PHF3: variants seen among roughly 807,000 people sequenced by gnomAD.
PHF3 encodes the protein PHD finger protein 3.
PHF3 carries 41 observed loss-of-function variants against 178.4 expected under a neutral mutation model. The observed-to-expected ratio is 0.23, with a 90% CI of 0.18 to 0.30. PHF3 has a LOEUF of 0.30. PHF3 is among the 10% of genes least tolerant of loss of function. PHF3 has a pLI of 1.00. For missense variants in PHF3, 2,346 were observed against 2,398.1 expected (o/e 0.98, Z 0.45); for synonymous variants, 842 against 800.5 (o/e 1.05, Z -0.88).
intron 2 of PHF3, among the ~76,000 whole-genome samples, chr6:63,653,798 T>C (rs781343117): frequency 6.6e-6 from 1 of 152,178 alleles, no homozygotes; most frequent in African/African-American, 2.4e-5. Flanking sequence ...TGTTGAGATA[T>C]GTTTATTTTA....
At position 63,725,300 on chromosome 6, in the gene PHF3, T is replaced by A. The variant is rs539708434; in HGVS notation, c.*11592T>A. Among the ~76,000 whole-genome samples the A allele has an allele frequency of 6.6e-6, 1 of 152,172 alleles. No individual in the cohort carries two copies. The highest frequency in any genetic ancestry group is 2.1e-4 in the South Asian group (1 of 4,826). On this transcript the variant is annotated 3_prime_UTR_variant, in exon 16 of 16. Transcript: ENST00000262043. The stretch of plus-strand genomic sequence containing the variant: ...TTGCCCTCCTATGTGTATTAGTGTG[T>A]ATGAGCTTTATATTTCATATACACA...
intron 9 of PHF3, 129 bp downstream of exon 9, chr6:63,700,595 T>C (rs1365262579): frequency 1.8e-6 from 1 of 550,756 alleles, no homozygotes; most frequent in Non-Finnish European, 3.3e-6. Flanking sequence ...CATGCTTCTT[T>C]TTTTTTTGAG....
rs1326635278 is a variant in PHF3 at position 63,721,486 on chromosome 6, G to A, written c.*7778G>A. On this transcript the variant is annotated 3_prime_UTR_variant, in exon 16 of 16. Coordinates refer to ENST00000262043, the MANE Select transcript of PHF3 (RefSeq NM_001370348.2). ...TCTTGATTATTTATGATAACTTGTC[G>A]GATACAGCCTTGAAAACCTACAGGT... The A allele has an allele frequency of 3.9e-6, 6 of 1,551,162 alleles. No homozygotes were observed. Among genetic ancestry groups the A allele is most frequent in the East Asian group, 2.4e-5 (1 of 40,924 alleles).
chr6:63,691,851 A>T lies in PHF3; in HGVS notation c.2304A>T (p.Lys768Asn), dbSNP rs1561970727. ...AAGACAAAGAATATGTCTGTGTAAA[A>T]TGTTGTGCTGAAGAAGACAAAAAGA... ...GEEDKEYVCV[K>N]CCAEEDKKTE... The change falls in exon 5 of 16, where the codon AAA (lysine) becomes AAT (asparagine). Residue 768 changes from lysine (K) to asparagine (N), a missense_variant. This residue lies in a region of PHF3 where 72 missense variants were observed against 110.5 expected (regional missense o/e 0.65). Transcript: ENST00000262043. The T allele has an allele frequency of 2.5e-6, 4 of 1,613,730 alleles. No homozygotes were observed. The African/African-American group carries it at 5.3e-5, about 22-fold the overall frequency.
chr6:63,721,790 A>G lies in PHF3; in HGVS notation c.*8082A>G. The stretch of plus-strand genomic sequence containing the variant: ...AACTATTTACTAAAGAGATGCATAA[A>G]AAATCACCTGCAAGAAAGCAAACAG... On this transcript the variant is annotated 3_prime_UTR_variant, in exon 16 of 16. Coordinates refer to ENST00000262043, the MANE Select transcript of PHF3 (RefSeq NM_001370348.2). 6.5e-7 allele frequency: 1 copy of G among 1,540,372 alleles called. No homozygotes were observed. The highest frequency in any genetic ancestry group is 8.8e-7 in the Non-Finnish European group (1 of 1,141,422).
At chr6:63,671,062 TC>T (rs1765894064) in intron 2 of PHF3, among the ~76,000 whole-genome samples, 1 of 152,084 alleles carries the variant, frequency 6.6e-6, no homozygotes, top group Non-Finnish European at 1.5e-5. Context: ...AATGTGAAAC[TC>T]AATGAATAAT....
chr6:63,685,748 A>G lies in PHF3; in HGVS notation c.2026A>G (p.Arg676Gly). ...PEKNLQPRQRRSSKSFSLDEP... is the reference protein window; with the variant it reads ...PEKNLQPRQRGSSKSFSLDEP... ...GAAGAACCTACAACCCCGCCAAAGA[A>G]GAAGCAGCAAAAGTTTTTCTTTAGA... is the stretch of plus-strand genomic sequence containing the variant. The change falls in exon 4 of 16, where the codon AGA becomes GGA. Residue 676 changes from arginine to glycine, a missense_variant. Around this residue, in one of 8 missense-constraint regions of PHF3, gnomAD observed 843 missense variants for 795.2 expected, o/e 1.06. Transcript: ENST00000262043. The G allele has an allele frequency of 1.2e-6, 2 of 1,614,134 alleles. No individual in the cohort carries two copies. The highest frequency in any genetic ancestry group is 1.7e-6 in the Non-Finnish European group (2 of 1,180,034).
At position 63,713,209 on chromosome 6, in the gene PHF3, A is replaced by T. The variant is rs777560495; in HGVS notation, c.5621A>T (p.Gln1874Leu). 3 of 1,613,902 alleles carry T rather than the reference A, an allele frequency of 1.9e-6. No homozygotes were observed. Among genetic ancestry groups the T allele is most frequent in the Non-Finnish European group, 2.5e-6 (3 of 1,179,976 alleles). ...QPQRMMGPLS[Q>L]ASRYIGPQNF... is the part of the protein sequence containing the mutation. Reference sequence around the variant, plus strand: ...CAGCGTATGATGGGTCCTCTCTCACAAGCATCAAGGTATATAGGCCCGCAG... The same window carrying T: ...CAGCGTATGATGGGTCCTCTCTCACTAGCATCAAGGTATATAGGCCCGCAG... The change falls in exon 16 of 16, where the codon CAA becomes CTA. Residue 1874 changes from glutamine (Q) to leucine (L), a missense_variant. Physicochemically the swap from Gln to Leu is moderately radical, Grantham distance 113. Coordinates refer to ENST00000262043, the MANE Select transcript of PHF3 (RefSeq NM_001370348.2).
In PHF3 at chr6:63,712,926, A is replaced by C; in HGVS notation, c.5338A>C (p.Ile1780Leu). 1.9e-6 allele frequency: 3 copies of C among 1,614,072 alleles called. No homozygotes were observed. Among genetic ancestry groups the C allele is most frequent in the South Asian group, 2.2e-5 (2 of 91,080 alleles). The change falls in exon 16 of 16, where the codon ATC becomes CTC. Residue 1780 changes from isoleucine (I) to leucine (L), a missense_variant. This residue lies in a region of PHF3 where 839 missense variants were observed against 806.9 expected (regional missense o/e 1.04). Transcript: ENST00000262043. ...TCPSEFPSKS[I>L]TFTSRSTSPR... ...TCCATCAGAATTTCCTTCTAAAAGC[A>C]TCACCTTTACTTCCAGAAGCACCAG...
At position 63,685,249 on chromosome 6, in the gene PHF3, T is replaced by G. The variant is rs766667301; in HGVS notation, c.1527T>G (p.Ile509Met). Residue 509 changes from isoleucine (I) to methionine (M), a missense_variant, in exon 4 of 16, where the codon ATT becomes ATG. Physicochemically the swap from Ile to Met is conservative, Grantham distance 10. Coordinates refer to ENST00000262043, the MANE Select transcript of PHF3 (RefSeq NM_001370348.2). ...TGACCACAGATGCTCCGAAGAAAAT[T>G]GTTGCAGCAAAGTATGAAGTAATAC... ...QNMTTDAPKKIVAAKYEVIHS... is the reference protein window; with the variant it reads ...QNMTTDAPKKMVAAKYEVIHS... The G allele has an allele frequency of 6.2e-7, 1 of 1,613,974 alleles. No homozygotes were observed.
rs1768395854 is a variant in PHF3 at position 63,721,625 on chromosome 6, T to C, written c.*7917T>C. On this transcript the variant is annotated 3_prime_UTR_variant, in exon 16 of 16. Transcript: ENST00000262043. Reference sequence around the variant, plus strand: ...TAGTGGAGGCCTTTTCTGTTACATTTATCCCATCTAGATCCAGGTAGCCTT... The same window carrying C: ...TAGTGGAGGCCTTTTCTGTTACATTCATCCCATCTAGATCCAGGTAGCCTT... The C allele has an allele frequency of 6.4e-7, 1 of 1,551,244 alleles. No homozygotes were observed. Among genetic ancestry groups the C allele is most frequent in the East Asian group, 2.4e-5 (1 of 40,926 alleles).
At chr6:63,690,898 C>T (rs911371127) in intron 4 of PHF3, among the ~76,000 whole-genome samples, 2 of 152,104 alleles carry the variant, frequency 1.3e-5, no homozygotes, top group African/African-American at 4.8e-5. Context: ...TCATACGTTT[C>T]ACATCCCTGG....
At chr6:63,688,120 A>C (rs1321775406) in intron 4 of PHF3, among the ~76,000 whole-genome samples, 1 of 142,080 alleles carries the variant, frequency 7.0e-6, no homozygotes, top group Non-Finnish European at 1.5e-5. Flanking sequence ...CGGGAGGCGG[A>C]GCTTGCAGTG....
In PHF3 at chr6:63,720,989, A is replaced by T. The variant is rs1270429142; in HGVS notation, c.*7281A>T. On this transcript the variant is annotated 3_prime_UTR_variant, in exon 16 of 16. Coordinates refer to ENST00000262043, the MANE Select transcript of PHF3 (RefSeq NM_001370348.2). ...TAACTGCTATTTTCAAGGTCTGATT[A>T]TGGAGACCAATTGCCAGAAAATCAT... is the stretch of plus-strand genomic sequence containing the variant. The T allele has an allele frequency of 6.4e-7, 1 of 1,551,256 alleles. No individual in the cohort carries two copies. The highest frequency in any genetic ancestry group is 8.7e-7 in the Non-Finnish European group (1 of 1,146,806).
chr6:63,654,889 CTTTTTTT>C (rs34787470), intron 2 of PHF3, among the ~76,000 whole-genome samples: 1 of 94,788 alleles, frequency 1.1e-5, no homozygotes, highest in Middle Eastern at 6.3e-3. Flanking sequence ...ATTAGGTGAC[CTTTTTTT>C]TTTTTTTTTT....
At chr6:63,698,192 T>G (rs779609624) in intron 6 of PHF3, 31 bp from the exon 7 acceptor site, 2 of 1,542,712 alleles carry the variant, frequency 1.3e-6, no homozygotes, top group Admixed American at 1.8e-5. Flanking sequence ...TTAAAAGCAA[T>G]GTAATGAGTT....
chr6:63,658,880 G>A (rs1231565214), intron 2 of PHF3, among the ~76,000 whole-genome samples: 1 of 152,034 alleles, frequency 6.6e-6, no homozygotes, highest in Admixed American at 6.6e-5. Flanking sequence ...GAGACCTAGG[G>A]AAGAGTTGAT....
chr6:63,709,109 A>T (rs1561983197), intron 13 of PHF3, 42 bp from the exon 14 acceptor site: 1 of 1,014,016 alleles, frequency 9.9e-7, no homozygotes, highest in Non-Finnish European at 1.4e-6. Flanking sequence ...TAATAAAGAT[A>T]ATCTATATAT....
chr6:63,664,017 G>A (rs1038678583), intron 2 of PHF3, among the ~76,000 whole-genome samples: 2 of 151,914 alleles, frequency 1.3e-5, no homozygotes, highest in Non-Finnish European at 2.9e-5. Context: ...ATTGAAAAGT[G>A]TCATTTTTTT....
Sources: gnomAD v4.1 joint callset for allele counts (sites outside exome capture counted in the v4.1 genomes callset) on GRCh38, gnomAD v4.1.1 for gene constraint, gnomAD v4.1.1 regional missense constraint, MANE v1.5 for transcripts, NCBI Gene and HGNC (gene_info 2026-07-23, HGNC 2026-07-21) for gene names.